The following NHSL1 variants were observed in gnomAD, a reference collection of about 807,000 sequenced individuals.
NHSL1 encodes the protein NHS-like protein 1.
Under a neutral mutation model 95.0 loss-of-function variants are expected in NHSL1, and 48 were observed. That is an observed-to-expected ratio of 0.51 (90% confidence interval 0.40 to 0.64). The LOEUF (loss-of-function observed/expected upper bound fraction) is 0.64, where lower values mean the gene tolerates loss of function less well. Ranked by LOEUF, NHSL1 falls within the 30% of genes least tolerant of loss-of-function variation. The pLI, the probability that NHSL1 is intolerant of heterozygous loss-of-function variation, is 0.00. For missense variants in NHSL1, 1,971 were observed against 2,077.7 expected, an observed-to-expected ratio of 0.95 and a Z score of 1.00; for synonymous variants, 783 against 833.9, an observed-to-expected ratio of 0.94 and a Z score of 1.05.
chr6:138,553,725 C>T (rs979586580), intron 1 of NHSL1, among the ~76,000 whole-genome samples: 1 of 152,162 alleles, frequency 6.6e-6, no homozygotes, highest in African/African-American at 2.4e-5. Context: ...TATTAAAACT[C>T]ATTATTAAAT....
chr6:138,508,182 G>A (rs1781055837), intron 1 of NHSL1, among the ~76,000 whole-genome samples: 2 of 152,152 alleles, frequency 1.3e-5, no homozygotes, highest in African/African-American at 4.8e-5. Context: ...ATGAAAAAAA[G>A]AAACCCAAAT....
intron 5 of NHSL1, among the ~76,000 whole-genome samples, chr6:138,437,434 ACACACAC>A (rs1776243931): frequency 5.3e-5 from 2 of 37,824 alleles, no homozygotes; most frequent in African/African-American, 1.1e-4. Context: ...ACACACACAC[ACACACAC>A]ACACAAAAAA....
At chr6:138,605,059 T>C (rs545606255) in intron 1 of NHSL1, among the ~76,000 whole-genome samples, 28 of 152,330 alleles carry the variant, frequency 1.8e-4, no homozygotes, top group African/African-American at 6.0e-4. Flanking sequence ...ATTGCCAAAA[T>C]AGTACAGAGA....
At chr6:138,522,108 T>C (rs557924760) in intron 1 of NHSL1, among the ~76,000 whole-genome samples, 2 of 152,258 alleles carry the variant, frequency 1.3e-5, no homozygotes, top group South Asian at 4.2e-4. Context: ...AACAATCCTG[T>C]GATACTGTGG....
intron 1 of NHSL1, among the ~76,000 whole-genome samples, chr6:138,634,498 C>T (rs760486302): frequency 1.3e-4 from 20 of 152,046 alleles, no homozygotes; most frequent in Non-Finnish European, 2.6e-4. Context: ...GTCAATTCAG[C>T]AAGAGGATAT....
At chr6:138,563,226 A>G (rs1783479270) in intron 1 of NHSL1, among the ~76,000 whole-genome samples, 1 of 152,250 alleles carries the variant, frequency 6.6e-6, no homozygotes, top group South Asian at 2.1e-4. Context: ...GAACTCATGT[A>G]AAGTTTTAAT....
chr6:138,424,037 G>C lies in NHSL1; in HGVS notation c.*44C>G. 7.4e-7 allele frequency: 1 copy of C among 1,346,672 alleles called. No homozygotes were observed. Among genetic ancestry groups the C allele is most frequent in the Non-Finnish European group, 9.5e-7 (1 of 1,052,262 alleles). 83.4% of individuals were successfully genotyped at this position (1,346,672 alleles called of 1,614,324 possible). A position where few individuals can be genotyped will look rare whatever the true frequency, so the allele number is the denominator to read the frequency against. On this transcript the variant is annotated 3_prime_UTR_variant, in exon 8 of 8. Coordinates refer to ENST00000343505, the MANE Select transcript of NHSL1 (RefSeq NM_001144060.2). The surrounding 1 kb of genome is among the most constrained non-coding windows in gnomAD (Gnocchi z 5.9). ...AGCAGGCTTCCTAGAGTGCTGCATT[G>C]CTCGTCTCCCCCCGTGTCACCTGGG...
At chr6:138,661,869 G>A (rs528248914) in intron 1 of NHSL1, among the ~76,000 whole-genome samples, 6 of 152,140 alleles carry the variant, frequency 3.9e-5, no homozygotes, top group Non-Finnish European at 7.4e-5. Context: ...CCAAGAATTC[G>A]AGACCAGTCT....
At chr6:138,500,834 G>A (rs1272332301), upstream of NHSL1, among the ~76,000 whole-genome samples, 2 of 150,814 alleles carry the variant, frequency 1.3e-5, no homozygotes, top group South Asian at 2.1e-4. Context: ...ACATAGAAAC[G>A]TTACCATCTT....
intron 1 of NHSL1, among the ~76,000 whole-genome samples, chr6:138,542,107 A>G (rs9495118): frequency 0.056 from 8,475 of 152,290 alleles, 747 homozygotes; most frequent in African/African-American, 0.19. Flanking sequence ...CCTAAGTCCA[A>G]TAAGTGGTGT....
intron 1 of NHSL1, among the ~76,000 whole-genome samples, chr6:138,673,981 G>T (rs961545679): frequency 6.6e-6 from 1 of 152,122 alleles, no homozygotes; most frequent in Admixed American, 6.5e-5. Context: ...AAAGGTAAAT[G>T]GATGCTCTCA....
intron 7 of NHSL1, among the ~76,000 whole-genome samples, chr6:138,428,292 A>C (rs1775395830): frequency 6.6e-6 from 1 of 152,228 alleles, no homozygotes; most frequent in Non-Finnish European, 1.5e-5. Flanking sequence ...GAATCTTCTA[A>C]TGGTTAAATA....
intron 3 of NHSL1, among the ~76,000 whole-genome samples, chr6:138,452,471 A>G (rs1226666178): frequency 6.6e-6 from 1 of 152,244 alleles, no homozygotes; most frequent in African/African-American, 2.4e-5. Context: ...TTTGTTAGTA[A>G]AAGTTAGAAA....
intron 1 of NHSL1, among the ~76,000 whole-genome samples, chr6:138,689,681 G>A (rs747029868): frequency 6.6e-6 from 1 of 152,090 alleles, no homozygotes; most frequent in Non-Finnish European, 1.5e-5. Context: ...CTCCTGGGGA[G>A]ACTCATTAAA....
At chr6:138,680,277 G>A (rs1341123434) in intron 1 of NHSL1, among the ~76,000 whole-genome samples, 1 of 152,124 alleles carries the variant, frequency 6.6e-6, no homozygotes. Context: ...ACTGACCACG[G>A]CTGCTCTATT....
intron 1 of NHSL1, among the ~76,000 whole-genome samples, chr6:138,520,820 A>T (rs998578740): frequency 2.6e-5 from 4 of 152,214 alleles, no homozygotes; most frequent in African/African-American, 9.6e-5. Context: ...AAGTAAAAGT[A>T]GGAAGCTACT....
At chr6:138,429,872 C>A in intron 6 of NHSL1, 29 bp from the exon 7 acceptor site, 1 of 1,535,546 alleles carries the variant, frequency 6.5e-7, no homozygotes, top group Admixed American at 2.1e-5. Flanking sequence ...GCATACAAGA[C>A]GCACAAGTGA....
intron 1 of NHSL1, among the ~76,000 whole-genome samples, chr6:138,660,324 G>A (rs1412846858): frequency 6.6e-6 from 1 of 152,140 alleles, no homozygotes; most frequent in African/African-American, 2.4e-5. Flanking sequence ...ATCTAAGGTT[G>A]ACATGTGTCT....
intron 7 of NHSL1, among the ~76,000 whole-genome samples, chr6:138,427,968 G>A (rs1215551616): frequency 6.6e-6 from 1 of 152,156 alleles, no homozygotes; most frequent in East Asian, 1.9e-4. Context: ...TACGTGCACT[G>A]AGTAACACCA....
Sources: gnomAD v4.1 joint callset for allele counts (sites outside exome capture counted in the v4.1 genomes callset) on GRCh38, gnomAD v4.1.1 for gene constraint, Gnocchi (gnomAD v3.1) non-coding constraint, MANE v1.5 for transcripts, NCBI Gene and HGNC (gene_info 2026-07-23, HGNC 2026-07-21) for gene names.